CNTN1: variants seen among roughly 807,000 people sequenced by gnomAD.
CNTN1 encodes the protein contactin-1.
In CNTN1, 38 loss-of-function variants were observed where a neutral mutation model predicts 126.4. The ratio of observed to expected loss-of-function variants is 0.30; its 90% CI spans 0.23 to 0.39. The LOEUF (loss-of-function observed/expected upper bound fraction) is 0.39. Among genes scored for constraint, CNTN1 ranks in the 10% least tolerant of loss-of-function variants. The pLI, the probability that CNTN1 is intolerant of heterozygous loss-of-function variation, is 1.00. For synonymous variants in CNTN1, 413 were observed against 422.6 expected (o/e 0.98, Z 0.28); for missense variants, 1,009 against 1,248.4 (o/e 0.81, Z 2.89).
chr12:40,778,830 A>G (rs1939688395), intron 1 of CNTN1, among the ~76,000 whole-genome samples: 1 of 151,844 alleles, frequency 6.6e-6, no homozygotes, highest in Non-Finnish European at 1.5e-5. Flanking sequence ...GGAAAAGTCC[A>G]TTTAGTAGTT....
intron 1 of CNTN1, among the ~76,000 whole-genome samples, chr12:40,882,347 C>T (rs1373829953): frequency 6.6e-6 from 1 of 151,650 alleles, no homozygotes; most frequent in East Asian, 1.9e-4. Context: ...TATGCCTTTT[C>T]TTAGTTTGAT....
intron 3 of CNTN1, among the ~76,000 whole-genome samples, chr12:40,916,224 A>C (rs991082378): frequency 6.6e-6 from 1 of 152,120 alleles, no homozygotes; most frequent in Non-Finnish European, 1.5e-5. Flanking sequence ...TCAAGAAGAG[A>C]ATCTAGATAT....
intron 14 of CNTN1, among the ~76,000 whole-genome samples, chr12:40,952,882 T>C (rs1592313383): frequency 6.6e-6 from 1 of 152,204 alleles, no homozygotes; most frequent in African/African-American, 2.4e-5. Flanking sequence ...TTTTTATGTT[T>C]GTGAAACATA....
chr12:40,850,288 C>T (rs911003369), intron 1 of CNTN1, among the ~76,000 whole-genome samples: 8 of 152,112 alleles, frequency 5.3e-5, no homozygotes, highest in Non-Finnish European at 1.0e-4. Flanking sequence ...AGCTTGCATT[C>T]ATTTGGCTTG....
In CNTN1 at chr12:41,018,085, C is replaced by T. The variant is rs73116993; in HGVS notation, c.2419+1169C>T. Among the ~76,000 whole-genome samples, 11 of 149,528 alleles carry T rather than the reference C, an allele frequency of 7.4e-5. 1 individual carries two copies. The East Asian group carries it at 1.4e-3, about 19-fold the overall frequency. ...AGCCTGGGCAACAAAAGCGAAAGTC[C>T]ATCTCAAAAAAAAAAAATAATAATA... On this transcript the variant is annotated intron_variant, in intron 19 of 23. Coordinates refer to ENST00000551295, the MANE Select transcript of CNTN1 (RefSeq NM_001843.4).
chr12:40,718,180 T>C lies in CNTN1; in HGVS notation c.-77+25588T>C, dbSNP rs561218961. On this transcript the variant is annotated intron_variant, in intron 1 of 23. Coordinates refer to ENST00000551295, the MANE Select transcript of CNTN1 (RefSeq NM_001843.4). ...GTTCATGAAAGGTTTTTTGTTTTGTTTTGTTTTGAGACAGAATCTTGCTCT... is the reference window on the plus strand; with the variant it reads ...GTTCATGAAAGGTTTTTTGTTTTGTCTTGTTTTGAGACAGAATCTTGCTCT... 3.9e-5 allele frequency among the ~76,000 whole-genome samples: 6 copies of C among 152,244 alleles called. No homozygotes were observed. In the South Asian group the frequency reaches 8.3e-4, roughly 21 times the overall value.
At chr12:40,842,816 A>G (rs1260047235) in intron 1 of CNTN1, among the ~76,000 whole-genome samples, 2 of 152,152 alleles carry the variant, frequency 1.3e-5, no homozygotes, top group Non-Finnish European at 2.9e-5. Flanking sequence ...TTGTCACACC[A>G]TCCAATTAAT....
intron 1 of CNTN1, among the ~76,000 whole-genome samples, chr12:40,859,727 C>A (rs947942056): frequency 1.3e-5 from 2 of 151,990 alleles, no homozygotes; most frequent in African/African-American, 2.4e-5. Context: ...TTCTGTTTAC[C>A]ACAGGAGTGA....
At chr12:40,802,528 A>G (rs979922756) in intron 1 of CNTN1, among the ~76,000 whole-genome samples, 2 of 152,038 alleles carry the variant, frequency 1.3e-5, no homozygotes, top group African/African-American at 4.8e-5. Context: ...GTGCCAGTGC[A>G]GTCTTTTTTA....
intron 1 of CNTN1, among the ~76,000 whole-genome samples, chr12:40,891,122 T>C (rs997626490): frequency 1.3e-5 from 2 of 152,206 alleles, no homozygotes; most frequent in African/African-American, 4.8e-5. Flanking sequence ...ATATATGATG[T>C]TGAGCATCTC....
intron 1 of CNTN1, among the ~76,000 whole-genome samples, chr12:40,781,001 C>T (rs549690428): frequency 6.6e-6 from 1 of 151,632 alleles, no homozygotes; most frequent in Admixed American, 6.6e-5. Context: ...ATCACATACT[C>T]ACTACTAAGG....
chr12:40,989,967 T>C (rs1948060317), intron 16 of CNTN1, among the ~76,000 whole-genome samples: 1 of 151,994 alleles, frequency 6.6e-6, no homozygotes, highest in African/African-American at 2.4e-5. Context: ...GTACTTCTGA[T>C]GTGGTTGGGG....
rs1375730946 is a variant in CNTN1, at chr12:41,014,263, G to A, written c.2149G>A (p.Gly717Ser). 6.2e-7 allele frequency: 1 copy of A among 1,613,830 alleles called. No individual in the cohort carries two copies. Among genetic ancestry groups the A allele is most frequent in the African/African-American group, 1.3e-5 (1 of 74,912 alleles). The change falls in exon 18 of 24, where the codon GGT becomes AGT. Residue 717 changes from glycine (G) to serine (S), a missense_variant. Coordinates refer to ENST00000551295, the MANE Select transcript of CNTN1 (RefSeq NM_001843.4). ...NVAPSDVGGG[G>S]GRNRELTITW... ...GGCTCCTTCAGATGTAGGAGGTGGA[G>A]GTGGAAGAAACAGAGAGCTGACCAT...
chr12:41,004,987 T>A (rs1457312429), intron 17 of CNTN1: 1 of 152,238 alleles, frequency 6.6e-6, no homozygotes, highest in African/African-American at 2.4e-5. Flanking sequence ...GTTAGCTGGT[T>A]ATTTTGCAGA....
chr12:40,726,074 T>G (rs1942344397), intron 1 of CNTN1, among the ~76,000 whole-genome samples: 1 of 151,748 alleles, frequency 6.6e-6, no homozygotes, highest in African/African-American at 2.4e-5. Context: ...TCAAGAAAAA[T>G]AAAACCTTTG....
At chr12:40,808,064 G>T (rs572549948) in intron 1 of CNTN1, among the ~76,000 whole-genome samples, 1 of 152,202 alleles carries the variant, frequency 6.6e-6, no homozygotes, top group East Asian at 1.9e-4. Flanking sequence ...TAAAAGTACA[G>T]ATCTTTTGGA....
At chr12:40,978,244 G>T (rs1034275404) in intron 15 of CNTN1, among the ~76,000 whole-genome samples, 1 of 151,948 alleles carries the variant, frequency 6.6e-6, no homozygotes, top group African/African-American at 2.4e-5. Context: ...TAAAATCCCT[G>T]TTTTTTAATA....
intron 1 of CNTN1, among the ~76,000 whole-genome samples, chr12:40,758,744 T>C (rs1034515403): frequency 4.6e-5 from 7 of 152,140 alleles, no homozygotes; most frequent in African/African-American, 1.7e-4. Flanking sequence ...TATATATAAC[T>C]TACCTCTTTG....
chr12:40,714,056 G>A (rs1941990285), intron 1 of CNTN1, among the ~76,000 whole-genome samples: 1 of 152,010 alleles, frequency 6.6e-6, no homozygotes, highest in South Asian at 2.1e-4. Flanking sequence ...AGATGGGAAT[G>A]ATTACCAGCT....
Sources: gnomAD v4.1 joint callset for allele counts (sites outside exome capture counted in the v4.1 genomes callset) on GRCh38, gnomAD v4.1.1 for gene constraint, MANE v1.5 for transcripts, NCBI Gene and HGNC (gene_info 2026-07-23, HGNC 2026-07-21) for gene names.